Variants in ABCA12 observed in about 807,000 individuals in gnomAD.
The protein encoded by ABCA12 is glucosylceramide transporter ABCA12.
Under a neutral mutation model 293.5 loss-of-function variants are expected in ABCA12, and 156 were observed. That is an observed-to-expected ratio of 0.53 (90% CI 0.47 to 0.61). ABCA12 has a LOEUF of 0.61. Among genes scored for constraint, ABCA12 ranks in the 20% least tolerant of loss-of-function variants. The pLI, the probability that ABCA12 is intolerant of heterozygous loss-of-function variation, is 0.00. For missense variants in ABCA12, 2,797 were observed against 3,090.2 expected (o/e 0.91, Z 2.25); for synonymous variants, 1,063 against 1,108.0 (o/e 0.96, Z 0.81).
rs779095807 is a variant in ABCA12 at position 215,018,001 on chromosome 2, A to G, written c.1782+7T>C. On this transcript the variant is annotated splice_region_variant and intron_variant, in intron 14 of 52. Transcript: ENST00000272895. ...CTGCATGTAAGTACAAACACATGAC[A>G]CCCCACCTCAGCTCTATTATCAGGG... 5.0e-6 allele frequency: 8 copies of G among 1,613,918 alleles called. No homozygotes were observed. The Admixed American group carries it at 1.3e-4, about 27-fold the overall frequency.
intron 23 of ABCA12, among the ~76,000 whole-genome samples, chr2:214,992,004 A>C (rs1213102947): frequency 2.6e-5 from 4 of 152,196 alleles, no homozygotes; most frequent in Non-Finnish European, 5.9e-5. Context: ...CACGCTGTGC[A>C]CATGTATCCC....
At chr2:215,095,226 T>TAA (rs1482038333) in intron 2 of ABCA12, among the ~76,000 whole-genome samples, 1 of 152,102 alleles carries the variant, frequency 6.6e-6, no homozygotes, top group African/African-American at 2.4e-5. Flanking sequence ...TATAACAACA[T>TAA]AAAAAAACTC....
At chr2:214,985,899 G>A (rs1282142811) in intron 28 of ABCA12, among the ~76,000 whole-genome samples, 1 of 152,154 alleles carries the variant, frequency 6.6e-6, no homozygotes, top group East Asian at 1.9e-4. Flanking sequence ...AAAAACAGTT[G>A]AATCTCTTCT....
At chr2:215,121,032 T>C (rs572751103) in intron 1 of ABCA12, among the ~76,000 whole-genome samples, 54 of 152,328 alleles carry the variant, frequency 3.5e-4, no homozygotes, top group African/African-American at 1.2e-3. Flanking sequence ...CTAATATATA[T>C]TGACTGCTTA....
At chr2:215,029,689 A>G (rs2106027784) in intron 9 of ABCA12, among the ~76,000 whole-genome samples, 1 of 152,288 alleles carries the variant, frequency 6.6e-6, no homozygotes, top group East Asian at 1.9e-4. Context: ...AGTATACTCC[A>G]AAATAAGATC....
At chr2:215,082,087 C>T (rs1468851037) in intron 2 of ABCA12, among the ~76,000 whole-genome samples, 6 of 135,728 alleles carry the variant, frequency 4.4e-5, no homozygotes, top group African/African-American at 1.7e-4. Flanking sequence ...CTCTGTTGGC[C>T]AGGCTAGAGT....
At chr2:215,119,134 C>A (rs891711838) in intron 1 of ABCA12, among the ~76,000 whole-genome samples, 2 of 152,108 alleles carry the variant, frequency 1.3e-5, no homozygotes, top group Admixed American at 6.5e-5. Flanking sequence ...CCACGCCTGG[C>A]TAAGTTTTGT....
intron 27 of ABCA12, among the ~76,000 whole-genome samples, chr2:214,986,986 AT>A (rs1699802019): frequency 6.6e-6 from 1 of 152,150 alleles, no homozygotes; most frequent in Non-Finnish European, 1.5e-5. Context: ...ATAATTATAA[AT>A]TCTCCTTTAT....
At chr2:215,087,895 T>A (rs1348321494) in intron 2 of ABCA12, among the ~76,000 whole-genome samples, 1 of 152,234 alleles carries the variant, frequency 6.6e-6, no homozygotes, top group Non-Finnish European at 1.5e-5. Flanking sequence ...GCTCACCTGG[T>A]CATTTCATTA....
chr2:215,090,956 C>T (rs1350968188), intron 2 of ABCA12, among the ~76,000 whole-genome samples: 1 of 152,104 alleles, frequency 6.6e-6, no homozygotes, highest in African/African-American at 2.4e-5. Flanking sequence ...AATACAAACT[C>T]GACAATGGTT....
At position 214,970,313 on chromosome 2, in the gene ABCA12, T is replaced by A. The variant is rs1279229101; in HGVS notation, c.5650A>T (p.Asn1884Tyr). The change falls in exon 37 of 53, where the codon AAT (asparagine) becomes TAT (tyrosine). Residue 1884 changes from asparagine (N) to tyrosine (Y), a missense_variant. Transcript: ENST00000272895. ...TCATTTGCAGTTGATATAAGATAAT[T>A]TTCCACTCGTTGCCCAGTGAGGTTA... ...IYNLTGQRVE[N>Y]YLISTANEFV... 1 of 1,613,218 alleles carries A rather than the reference T, an allele frequency of 6.2e-7. No individual in the cohort carries two copies. Among genetic ancestry groups the A allele is most frequent in the Admixed American group, 1.7e-5 (1 of 59,972 alleles).
rs763758527 is a variant in ABCA12, at chr2:215,083,576, C to A, written c.164-19357G>T. Among the ~76,000 whole-genome samples, 16 of 152,274 alleles carry A rather than the reference C, an allele frequency of 1.1e-4. No individual in the cohort carries two copies. The Middle Eastern group carries it at 0.01, about 97-fold the overall frequency. Reference sequence around the variant, plus strand: ...TACAAAAACAAAAGAAAAAAATTAACCACACTAAGTTTCTTTTGGATGAAT... The same window carrying A: ...TACAAAAACAAAAGAAAAAAATTAAACACACTAAGTTTCTTTTGGATGAAT... On this transcript the variant is annotated intron_variant, in intron 2 of 52. Transcript: ENST00000272895.
intron 50 of ABCA12, among the ~76,000 whole-genome samples, chr2:214,941,096 A>G (rs1698386147): frequency 6.6e-6 from 1 of 152,032 alleles, no homozygotes; most frequent in South Asian, 2.1e-4. Context: ...TCCTGTGGAC[A>G]TTTTAGTGCT....
At chr2:215,042,383 T>G (rs1701117206) in intron 7 of ABCA12, 2 of 152,218 alleles carry the variant, frequency 1.3e-5, no homozygotes, top group South Asian at 4.1e-4. Context: ...ACCACAGGTA[T>G]GCACTACCAT....
chr2:215,000,191 T>A (rs1350252095), intron 22 of ABCA12, among the ~76,000 whole-genome samples: 1 of 152,232 alleles, frequency 6.6e-6, no homozygotes, highest in South Asian at 2.1e-4. Context: ...AATGAACTGA[T>A]AATACATGAA....
At chr2:214,959,339 T>C (rs1699047339) in intron 39 of ABCA12, among the ~76,000 whole-genome samples, 1 of 152,172 alleles carries the variant, frequency 6.6e-6, no homozygotes, top group South Asian at 2.1e-4. Context: ...ATTTCTTATA[T>C]TGCATTTCTC....
At position 215,130,553 on chromosome 2, in the gene ABCA12, C is replaced by T. The variant is rs73076537; in HGVS notation, c.69+7587G>A. 5.4e-3 allele frequency among the ~76,000 whole-genome samples: 828 copies of T among 152,146 alleles called. 18 individuals carry two copies. Among genetic ancestry groups the T allele is most frequent in the African/African-American group, 0.019 (804 of 41,512 alleles). On this transcript the variant is annotated intron_variant, in intron 1 of 52. Transcript: ENST00000272895. ...TATCATTGTTGGTGTATGAAAAATG[C>T]TACTGATTTGAGTATGTTGATTTTG...
At chr2:215,123,914 C>T (rs1379734373) in intron 1 of ABCA12, among the ~76,000 whole-genome samples, 3 of 152,116 alleles carry the variant, frequency 2.0e-5, no homozygotes, top group South Asian at 2.1e-4. Flanking sequence ...TTCTATCCCT[C>T]GCCCCCCTCT....
Position 214,944,699 on chromosome 2 carries a change from T to C in ABCA12, c.7343+302A>G, listed in dbSNP as rs188939942. Among the ~76,000 whole-genome samples the C allele has an allele frequency of 1.4e-4, 21 of 152,152 alleles. No homozygotes were observed. In the East Asian group the frequency reaches 4.1e-3, roughly 29 times the overall value. On this transcript the variant is annotated intron_variant, in intron 49 of 52. Coordinates refer to ENST00000272895, the MANE Select transcript of ABCA12 (RefSeq NM_173076.3). Reference sequence around the variant, plus strand: ...GGGCCATAAGTCATGAGAAATTCGATGTTAAAAAGACTGCTTAGACCTTAG... The same window carrying C: ...GGGCCATAAGTCATGAGAAATTCGACGTTAAAAAGACTGCTTAGACCTTAG...
Sources: gnomAD v4.1 joint callset for allele counts (sites outside exome capture counted in the v4.1 genomes callset) on GRCh38, gnomAD v4.1.1 for gene constraint, MANE v1.5 for transcripts, NCBI Gene and HGNC (gene_info 2026-07-23, HGNC 2026-07-21) for gene names.